The following ZSCAN5A variants were observed in gnomAD, a reference collection of about 807,000 sequenced individuals.
ZSCAN5A encodes the protein zinc finger and SCAN domain-containing protein 5A.
In ZSCAN5A, 12 loss-of-function variants were observed where a neutral mutation model predicts 23.7. The observed-to-expected ratio is 0.51, with a 90% CI of 0.32 to 0.82. The LOEUF (loss-of-function observed/expected upper bound fraction) is 0.82, where lower values mean the gene tolerates loss of function less well. ZSCAN5A is among the 40% of genes least tolerant of loss of function. The pLI, the probability that ZSCAN5A is intolerant of heterozygous loss-of-function variation, is 0.03. For synonymous variants in ZSCAN5A, 257 were observed against 239.9 expected (o/e 1.07, Z -0.66); for missense variants, 597 against 617.9 (o/e 0.97, Z 0.36).
chr19:56,238,760 C>T (rs2035185490), intron 2 of ZSCAN5A, among the ~76,000 whole-genome samples: 2 of 151,502 alleles, frequency 1.3e-5, no homozygotes, highest in African/African-American at 4.8e-5. Context: ...GTTCATAAAT[C>T]GGAAGAATTC....
At chr19:56,312,643 A>G (rs2041110475) in intron 2 of ZSCAN5A, among the ~76,000 whole-genome samples, 1 of 152,278 alleles carries the variant, frequency 6.6e-6, no homozygotes, top group Non-Finnish European at 1.5e-5. Flanking sequence ...CGGTTCTGAC[A>G]TATCTACTAG....
Position 56,221,727 on chromosome 19 carries a change from T to C in ZSCAN5A, c.1339A>G (p.Lys447Glu). The change falls in exon 6 of 6, where the codon AAA becomes GAA. Residue 447 changes from lysine (K) to glutamate (E), a missense_variant. Lys to Glu is a moderately conservative substitution (Grantham distance 56). Around this residue, in one of 5 missense-constraint regions of ZSCAN5A, gnomAD observed 87 missense variants for 74.4 expected, o/e 1.17. Coordinates refer to ENST00000683990, the MANE Select transcript of ZSCAN5A (RefSeq NM_001322064.3). Reference protein sequence around the residue: ...EKPFECKDCKKVFTYRGSLKE... With the variant: ...EKPFECKDCKEVFTYRGSLKE... ...AGGCTCCCCCTGTAGGTGAAAACTT[T>C]CTTGCAGTCTTTACATTCGAAGGGC... 1.2e-6 allele frequency: 2 copies of C among 1,614,258 alleles called. No individual in the cohort carries two copies.
At chr19:56,256,644 G>A (rs2036717841) in intron 2 of ZSCAN5A, among the ~76,000 whole-genome samples, 1 of 152,218 alleles carries the variant, frequency 6.6e-6, no homozygotes, top group African/African-American at 2.4e-5. Context: ...ACACTGAGGA[G>A]ATTTAAACAT....
intron 2 of ZSCAN5A, among the ~76,000 whole-genome samples, chr19:56,258,856 TC>T (rs1212346149): frequency 1.3e-5 from 2 of 151,990 alleles, no homozygotes; most frequent in Non-Finnish European, 2.9e-5. Flanking sequence ...CGACACAACC[TC>T]CCCCTTAAGT....
At chr19:56,247,401 T>G in intron 2 of ZSCAN5A, 1 of 188,056 alleles carries the variant, frequency 5.3e-6, no homozygotes, top group Non-Finnish European at 1.2e-5. Flanking sequence ...CCTATAAATG[T>G]CCCAAGTGTC....
At chr19:56,330,250 T>C (rs1251894595) in intron 2 of ZSCAN5A, among the ~76,000 whole-genome samples, 2 of 152,248 alleles carry the variant, frequency 1.3e-5, no homozygotes, top group African/African-American at 4.8e-5. Flanking sequence ...GGCAGCTATG[T>C]TGATTTCACA....
intron 2 of ZSCAN5A, among the ~76,000 whole-genome samples, chr19:56,362,768 G>A (rs979285536): frequency 1.3e-5 from 2 of 151,788 alleles, no homozygotes; most frequent in African/African-American, 4.8e-5. Flanking sequence ...CTACTTGGGA[G>A]GCTGAGGCAG....
intron 2 of ZSCAN5A, among the ~76,000 whole-genome samples, chr19:56,331,506 G>A (rs1428763532): frequency 9.7e-6 from 1 of 103,230 alleles, no homozygotes; most frequent in South Asian, 3.2e-4. Context: ...TGGTAGAGAT[G>A]TTTCACCTTC....
rs1458613502 is a variant in ZSCAN5A, at chr19:56,303,371, G to A, written c.-128+9912C>T. Reference sequence around the variant, plus strand: ...CGCATGCCTGTAATCCCAGCTGCTCGGGAGGCTGAGGCAGGAGAATCACTT... The same window carrying A: ...CGCATGCCTGTAATCCCAGCTGCTCAGGAGGCTGAGGCAGGAGAATCACTT... On this transcript the variant is annotated intron_variant, in intron 2 of 5. Coordinates refer to ENST00000683990, the MANE Select transcript of ZSCAN5A (RefSeq NM_001322064.3). Among the ~76,000 whole-genome samples the A allele has an allele frequency of 5.3e-5, 8 of 151,942 alleles. No individual in the cohort carries two copies. In the East Asian group the frequency reaches 5.8e-4, roughly 11 times the overall value.
chr19:56,350,847 T>C (rs1261310848), intron 2 of ZSCAN5A, among the ~76,000 whole-genome samples: 1 of 152,020 alleles, frequency 6.6e-6, no homozygotes, highest in Non-Finnish European at 1.5e-5. Flanking sequence ...AATATTTTAT[T>C]AAATAATGTT....
At chr19:56,283,804 C>CA (rs2038897167) in intron 2 of ZSCAN5A, 1 of 152,206 alleles carries the variant, frequency 6.6e-6, no homozygotes, top group East Asian at 1.9e-4. Flanking sequence ...TATCTGATCT[C>CA]AAAGGGCTGG....
intron 2 of ZSCAN5A, among the ~76,000 whole-genome samples, chr19:56,348,600 G>A (rs1309318192): frequency 6.6e-6 from 1 of 152,184 alleles, no homozygotes; most frequent in Admixed American, 6.5e-5. Context: ...GCAAGGGAAA[G>A]GCAGCTAACA....
At chr19:56,348,539 C>A (rs557967291) in intron 2 of ZSCAN5A, among the ~76,000 whole-genome samples, 7 of 152,330 alleles carry the variant, frequency 4.6e-5, no homozygotes, top group African/African-American at 1.7e-4. Context: ...TCCCCAGGCA[C>A]AAACGCTCAA....
chr19:56,320,956 T>A (rs2041369103), intron 2 of ZSCAN5A: 1 of 743,098 alleles, frequency 1.3e-6, no homozygotes, highest in East Asian at 2.5e-5. Flanking sequence ...AATTGTGGGT[T>A]TTGATAGCAG....
At chr19:56,291,418 C>T (rs936453586) in intron 2 of ZSCAN5A, among the ~76,000 whole-genome samples, 1 of 152,224 alleles carries the variant, frequency 6.6e-6, no homozygotes, top group Admixed American at 6.5e-5. Context: ...GAGTCACCCA[C>T]CCTGGGCCCC....
chr19:56,362,928 G>A (rs995614696), intron 2 of ZSCAN5A, among the ~76,000 whole-genome samples: 4 of 150,700 alleles, frequency 2.7e-5, no homozygotes, highest in African/African-American at 9.7e-5. Flanking sequence ...TACGGGAACT[G>A]CCTGTACCAT....
chr19:56,335,485 T>C (rs4801709), intron 2 of ZSCAN5A, among the ~76,000 whole-genome samples: 29,616 of 152,168 alleles, frequency 0.19, 3,810 homozygotes, highest in African/African-American at 0.37. Flanking sequence ...TGTCTCTGCA[T>C]GTGAGATGAG....
chr19:56,336,583 T>A (rs1287391869), intron 2 of ZSCAN5A, among the ~76,000 whole-genome samples: 1 of 152,210 alleles, frequency 6.6e-6, no homozygotes, highest in Non-Finnish European at 1.5e-5. Flanking sequence ...TTCTCTCAAC[T>A]CGTCAAAGTC....
At chr19:56,247,799 C>T (rs2036046273) in intron 2 of ZSCAN5A, among the ~76,000 whole-genome samples, 1 of 152,130 alleles carries the variant, frequency 6.6e-6, no homozygotes, top group Admixed American at 6.5e-5. Context: ...TCACATCATT[C>T]TCCTGCCTCA....
Sources: allele counts gnomAD v4.1 joint callset (sites outside exome capture counted in the v4.1 genomes callset), GRCh38; gene constraint gnomAD v4.1.1; regional missense constraint gnomAD v4.1.1; transcripts MANE v1.5; gene names NCBI Gene and HGNC (gene_info 2026-07-23, HGNC 2026-07-21).